POU2F1: variants seen among roughly 807,000 people sequenced by gnomAD.
The protein encoded by POU2F1 is POU class 2 homeobox 1.
In POU2F1, 16 loss-of-function variants were observed where a neutral mutation model predicts 84.9. The ratio of observed to expected loss-of-function variants is 0.19; its 90% CI spans 0.13 to 0.29. The LOEUF is 0.29. Among genes scored for constraint, POU2F1 ranks in the 10% least tolerant of loss-of-function variants. POU2F1 has a pLI of 1.00. For missense variants in POU2F1, 738 were observed against 942.6 expected (o/e 0.78, Z 2.84); for synonymous variants, 368 against 368.3 (o/e 1.00, Z 0.01).
intron 2 of POU2F1, among the ~76,000 whole-genome samples, chr1:167,351,343 G>A (rs913166157): frequency 1.3e-5 from 2 of 151,668 alleles, no homozygotes; most frequent in Non-Finnish European, 2.9e-5. Context: ...CAACAAGAGC[G>A]AAACTCTGTC....
chr1:167,357,361 C>T (rs1416295290), intron 2 of POU2F1: 2 of 6,212 alleles, frequency 3.2e-4, no homozygotes, highest in South Asian at 0.011. Context: ...CCCACGCCTC[C>T]CCCCCCACCC....
intron 1 of POU2F1, among the ~76,000 whole-genome samples, chr1:167,274,712 G>T (rs1407685596): frequency 6.6e-6 from 1 of 152,094 alleles, no homozygotes; most frequent in Non-Finnish European, 1.5e-5. Context: ...AAAGGGTTGG[G>T]AGTTAAAATA....
chr1:167,239,229 C>T (rs987570724), intron 1 of POU2F1, among the ~76,000 whole-genome samples: 5 of 152,008 alleles, frequency 3.3e-5, no homozygotes, highest in Admixed American at 3.3e-4. Flanking sequence ...TGTCAACTGA[C>T]AGAAAAAGAA....
chr1:167,371,709 G>A (rs1449624439), intron 4 of POU2F1, among the ~76,000 whole-genome samples: 1 of 152,124 alleles, frequency 6.6e-6, no homozygotes, highest in Non-Finnish European at 1.5e-5. Context: ...TTTAAAAATT[G>A]TAATAGCAGC....
intron 1 of POU2F1, among the ~76,000 whole-genome samples, chr1:167,262,474 A>G (rs1292464964): frequency 6.6e-6 from 1 of 152,240 alleles, no homozygotes; most frequent in African/African-American, 2.4e-5. Flanking sequence ...ACACAAGATG[A>G]ATCAGAAACC....
chr1:167,365,214 T>C (rs1417978401), intron 2 of POU2F1, among the ~76,000 whole-genome samples: 1 of 152,196 alleles, frequency 6.6e-6, no homozygotes, highest in African/African-American at 2.4e-5. Flanking sequence ...TACCATCTTA[T>C]GATTGTAATT....
intron 1 of POU2F1, among the ~76,000 whole-genome samples, chr1:167,235,507 C>G (rs1425416902): frequency 6.6e-6 from 1 of 152,142 alleles, no homozygotes; most frequent in East Asian, 1.9e-4. Flanking sequence ...CTGTTGGAAT[C>G]ACATCTTAGT....
chr1:167,234,768 C>G (rs183404603), intron 1 of POU2F1, among the ~76,000 whole-genome samples: 3 of 152,226 alleles, frequency 2.0e-5, no homozygotes, highest in East Asian at 3.9e-4. Flanking sequence ...AAGCTAATTA[C>G]ACATGTTAAC....
intron 1 of POU2F1, among the ~76,000 whole-genome samples, chr1:167,264,924 C>A (rs975603603): frequency 6.6e-6 from 1 of 152,102 alleles, no homozygotes; most frequent in Non-Finnish European, 1.5e-5. Context: ...CTTGCTGTCT[C>A]GTTTGCCTAG....
At position 167,426,685 on chromosome 1, in the gene POU2F1, C is replaced by A. The variant is rs548350106; in HGVS notation, c.*10875C>A. ...AAAGGAGGGGCACAAGGGGAATTGG[C>A]CCCCGGCCTCCTAGAACTTTTTGTT... On this transcript the variant is annotated 3_prime_UTR_variant, in exon 16 of 16. Transcript: ENST00000367866. 1.3e-5 allele frequency: 2 copies of A among 152,108 alleles called. No individual in the cohort carries two copies. Among genetic ancestry groups the A allele is most frequent in the South Asian group, 2.1e-4 (1 of 4,826 alleles). 9.4% of individuals were successfully genotyped at this position (152,108 alleles called of 1,614,324 possible).
At chr1:167,298,176 C>T (rs557165841) in intron 1 of POU2F1, among the ~76,000 whole-genome samples, 10 of 151,986 alleles carry the variant, frequency 6.6e-5, no homozygotes, top group South Asian at 6.2e-4. Context: ...AGAGCAAGAA[C>T]GAGGAGCCTG....
At chr1:167,321,182 T>A (rs1246854775) in intron 1 of POU2F1, among the ~76,000 whole-genome samples, 1 of 152,202 alleles carries the variant, frequency 6.6e-6, no homozygotes, top group Non-Finnish European at 1.5e-5. Context: ...TAATGAATAA[T>A]GTAACACTGG....
chr1:167,401,040 TAA>T (rs1447652923), intron 12 of POU2F1, among the ~76,000 whole-genome samples: 7 of 152,332 alleles, frequency 4.6e-5, no homozygotes, highest in African/African-American at 1.7e-4. Context: ...CCGTTTTTTT[TAA>T]AAGTTTGCTT....
chr1:167,400,759 T>C (rs952784244), intron 12 of POU2F1, among the ~76,000 whole-genome samples: 2 of 152,250 alleles, frequency 1.3e-5, no homozygotes, highest in Non-Finnish European at 2.9e-5. Context: ...TTCTGTTCTT[T>C]TTAAATTTGG....
intron 1 of POU2F1, among the ~76,000 whole-genome samples, chr1:167,322,604 G>A (rs1398689308): frequency 1.3e-5 from 2 of 152,314 alleles, no homozygotes; most frequent in South Asian, 4.1e-4. Flanking sequence ...CGGTTTGGGC[G>A]CTACTTGCCG....
intron 1 of POU2F1, among the ~76,000 whole-genome samples, chr1:167,295,115 C>A (rs554144087): frequency 6.6e-6 from 1 of 150,890 alleles, no homozygotes; most frequent in South Asian, 2.1e-4. Flanking sequence ...GAGCAAGACT[C>A]CATCTCAAAA....
chr1:167,296,810 A>G (rs1051578136), intron 1 of POU2F1, among the ~76,000 whole-genome samples: 4 of 152,324 alleles, frequency 2.6e-5, no homozygotes, highest in Non-Finnish European at 4.4e-5. Flanking sequence ...CATATTTCCA[A>G]TTATATGCAA....
At chr1:167,368,342 G>A (rs2056628) in intron 3 of POU2F1, among the ~76,000 whole-genome samples, 13,446 of 151,728 alleles carry the variant, frequency 0.089, 1,902 homozygotes, top group African/African-American at 0.3. Flanking sequence ...AGTCCCTCTC[G>A]GTGCATTCAG....
intron 2 of POU2F1, among the ~76,000 whole-genome samples, chr1:167,363,631 A>G (rs779687172): frequency 2.6e-5 from 4 of 152,218 alleles, no homozygotes; most frequent in Non-Finnish European, 5.9e-5. Flanking sequence ...TTTTCACGCA[A>G]GTTTTCAATT....
Sources: gnomAD v4.1 joint callset for allele counts (sites outside exome capture counted in the v4.1 genomes callset) on GRCh38, gnomAD v4.1.1 for gene constraint, MANE v1.5 for transcripts, NCBI Gene and HGNC (gene_info 2026-07-23, HGNC 2026-07-21) for gene names.